The following NRROS variants were observed in gnomAD, a reference collection of about 807,000 sequenced individuals.
NRROS encodes the protein transforming growth factor beta activator LRRC33.
A neutral mutation model predicts 12.0 loss-of-function variants in NRROS; 6 were observed. The observed-to-expected ratio is 0.50, with a 90% CI of 0.27 to 0.98. The LOEUF (loss-of-function observed/expected upper bound fraction) is 0.98, where lower values mean the gene tolerates loss of function less well. Among genes scored for constraint, NRROS ranks in the 50% least tolerant of loss-of-function variants. The pLI is 0.11. For missense variants in NRROS, 857 were observed against 888.2 expected (o/e 0.96, Z 0.45); for synonymous variants, 462 against 410.2 (o/e 1.13, Z -1.53).
chr3:196,650,775 C>A (rs1737409288), intron 1 of NRROS, among the ~76,000 whole-genome samples: 2 of 152,196 alleles, frequency 1.3e-5, no homozygotes, highest in African/African-American at 4.8e-5. Context: ...GCCTAAAAAG[C>A]AACACCACAT....
chr3:196,644,788 A>G (rs1259272860), intron 1 of NRROS, among the ~76,000 whole-genome samples: 96 of 132,490 alleles, frequency 7.2e-4, no homozygotes, highest in African/African-American at 1.5e-3. Flanking sequence ...AAAAAAAAAA[A>G]AAAGAAAGAA....
rs748567110 is a variant in NRROS, at chr3:196,661,040, G to A, written c.1397G>A (p.Ser466Asn). The stretch of plus-strand genomic sequence containing the variant: ...TTCAGGAATATGGCATCTTTAAGGA[G>A]CCTGTCTCTGGAGGGCTGTGGCCTG... Reference protein sequence around the residue: ...VDFRNMASLRSLSLEGCGLGA... With the variant: ...VDFRNMASLRNLSLEGCGLGA... Residue 466 changes from serine (S) to asparagine (N), a missense_variant, in exon 3 of 3, where the codon AGC (serine) becomes AAC (asparagine). Coordinates refer to ENST00000328557, the MANE Select transcript of NRROS (RefSeq NM_198565.3). 5.6e-6 allele frequency: 9 copies of A among 1,614,188 alleles called. No individual in the cohort carries two copies. Among genetic ancestry groups the A allele is most frequent in the Non-Finnish European group, 7.6e-6 (9 of 1,180,032 alleles).
chr3:196,639,730 T>C lies in NRROS; in HGVS notation c.-159T>C, dbSNP rs1737171532. On this transcript the variant is annotated 5_prime_UTR_variant, in exon 1 of 3. Transcript: ENST00000328557. The stretch of plus-strand genomic sequence containing the variant: ...CAGCCCGCTCTCCATGTGACTTCAG[T>C]TTCCGTCCGTTCCTTCCGCTGGTGC... 6.6e-6 allele frequency: 1 copy of C among 152,398 alleles called. No individual in the cohort carries two copies. The highest frequency in any genetic ancestry group is 6.5e-5 in the Admixed American group (1 of 15,290). 9.4% of individuals were successfully genotyped at this position (152,398 alleles called of 1,614,324 possible). A position where few individuals can be genotyped will look rare whatever the true frequency, so the allele number is the denominator to read the frequency against.
intron 1 of NRROS, among the ~76,000 whole-genome samples, chr3:196,652,763 C>T (rs556413776): frequency 3.9e-5 from 6 of 152,234 alleles, no homozygotes; most frequent in Non-Finnish European, 7.4e-5. Context: ...GCACTCTTGC[C>T]CCTTACACGT....
At position 196,658,895 on chromosome 3, in the gene NRROS, A is replaced by G. The variant is rs187480896; in HGVS notation, c.109-857A>G. ...TGAAACAGGAGAATTGCTCGAACCC[A>G]GGAGGCAGAGATTGCAGTGAGCTGA... On this transcript the variant is annotated intron_variant, in intron 2 of 2. Transcript: ENST00000328557. Among the ~76,000 whole-genome samples the G allele has an allele frequency of 4.0e-3, 607 of 152,300 alleles. 3 individuals are homozygous for G. The highest frequency in any genetic ancestry group is 5.3e-3 in the Non-Finnish European group (361 of 68,018).
chr3:196,658,686 C>T (rs1275226326), intron 2 of NRROS, among the ~76,000 whole-genome samples: 2 of 152,190 alleles, frequency 1.3e-5, no homozygotes, highest in African/African-American at 4.8e-5. Context: ...TTCTTTCTGG[C>T]CGGGCACGGT....
At position 196,660,634 on chromosome 3, in the gene NRROS, C is replaced by T. The variant is rs761492409; in HGVS notation, c.991C>T (p.Arg331Cys). 9.3e-6 allele frequency: 15 copies of T among 1,614,098 alleles called. No homozygotes were observed. Among genetic ancestry groups the T allele is most frequent in the African/African-American group, 1.3e-5 (1 of 74,948 alleles). Residue 331 changes from arginine (R) to cysteine (C), a missense_variant, in exon 3 of 3, where the codon CGC (arginine) becomes TGC (cysteine). Physicochemically the swap from Arg to Cys is radical, Grantham distance 180 (BLOSUM62 -3). Transcript: ENST00000328557. This position sits in a 1 kb window ranked among gnomAD's most constrained non-coding sequence, Gnocchi z 7.7. ...EFSSSDLADL[R>C]FLDMSQNQFQ... is the part of the protein sequence containing the mutation. ...CTCCTCCAGCGACCTCGCAGATCTC[C>T]GCTTCCTGGACATGAGCCAGAACCA...
chr3:196,658,398 A>G (rs546514429), intron 2 of NRROS, among the ~76,000 whole-genome samples: 33 of 152,298 alleles, frequency 2.2e-4, no homozygotes, highest in Non-Finnish European at 3.5e-4. Flanking sequence ...TACAGTATCA[A>G]TGTTTAATTA....
chr3:196,646,767 G>A (rs748380444), intron 1 of NRROS, among the ~76,000 whole-genome samples: 5 of 152,136 alleles, frequency 3.3e-5, no homozygotes, highest in Admixed American at 1.3e-4. Context: ...AGAGTCTCTC[G>A]CCACGAGCCC....
rs376944267 is a variant in NRROS, at chr3:196,661,763, A to G, written c.*41A>G. ...AGACTCGAAATTCGGTCCGCACACAACAGGACACTTTCTCTGCCAGCTTTC... is the reference window on the plus strand; with the variant it reads ...AGACTCGAAATTCGGTCCGCACACAGCAGGACACTTTCTCTGCCAGCTTTC... On this transcript the variant is annotated 3_prime_UTR_variant, in exon 3 of 3. Coordinates refer to ENST00000328557, the MANE Select transcript of NRROS (RefSeq NM_198565.3). 3.3e-6 allele frequency: 5 copies of G among 1,501,184 alleles called. No individual in the cohort carries two copies. Among genetic ancestry groups the G allele is most frequent in the South Asian group, 2.5e-5 (2 of 80,762 alleles). The allele number at this position is 1,501,184 out of a possible 1,614,324, so 93.0% of individuals were successfully genotyped here. A position where few individuals can be genotyped will look rare whatever the true frequency, so the allele number is the denominator to read the frequency against.
chr3:196,642,194 C>T (rs182976072), intron 1 of NRROS, among the ~76,000 whole-genome samples: 1 of 150,608 alleles, frequency 6.6e-6, no homozygotes, highest in Admixed American at 6.6e-5. Context: ...ATAAGCCTCA[C>T]GTGCAACAAT....
Position 196,660,615 on chromosome 3 carries a change from C to T in NRROS, c.972C>T (p.Ser324=), listed in dbSNP as rs775410353. Residue 324 remains serine (S), a synonymous_variant, in exon 3 of 3, where the codon TCC becomes TCT. Coordinates refer to ENST00000328557, the MANE Select transcript of NRROS (RefSeq NM_198565.3). The surrounding 1 kb of genome is among the most constrained non-coding windows in gnomAD (Gnocchi z 7.7). ...TCAGCCTCTGGGAAGAATTCTCCTC[C>T]AGCGACCTCGCAGATCTCCGCTTCC... ...TTVSLWEEFS[S]SDLADLRFLD... is the part of the protein sequence containing the mutation. 1 of 1,614,206 alleles carries T rather than the reference C, an allele frequency of 6.2e-7. No individual in the cohort carries two copies. The highest frequency in any genetic ancestry group is 8.5e-7 in the Non-Finnish European group (1 of 1,180,044).
At chr3:196,649,667 T>G (rs1478910908) in intron 1 of NRROS, among the ~76,000 whole-genome samples, 2 of 152,110 alleles carry the variant, frequency 1.3e-5, no homozygotes, top group African/African-American at 4.8e-5. Context: ...GAGACGGGGT[T>G]TCACTGTGTT....
In NRROS at chr3:196,654,327, T is replaced by C. The variant is rs1013853422; in HGVS notation, c.-13-200T>C. Among the ~76,000 whole-genome samples the C allele has an allele frequency of 6.6e-6, 1 of 152,114 alleles. No individual in the cohort carries two copies. Among genetic ancestry groups the C allele is most frequent in the African/African-American group, 2.4e-5 (1 of 41,420 alleles). On this transcript the variant is annotated intron_variant, in intron 1 of 2. Coordinates refer to ENST00000328557, the MANE Select transcript of NRROS (RefSeq NM_198565.3). The surrounding 1 kb of genome is among the most constrained non-coding windows in gnomAD (Gnocchi z 4.4). ...GTGGTAGAGGCAAAATGAAATTGAGTTCTTGTCAACAGTTTCAGTGAAAGG... is the reference window on the plus strand; with the variant it reads ...GTGGTAGAGGCAAAATGAAATTGAGCTCTTGTCAACAGTTTCAGTGAAAGG...
At chr3:196,644,295 A>G (rs1490503676) in intron 1 of NRROS, among the ~76,000 whole-genome samples, 2 of 151,710 alleles carry the variant, frequency 1.3e-5, no homozygotes, top group African/African-American at 4.8e-5. Context: ...GCTACTTGGG[A>G]GGCTGAGGCA....
At chr3:196,648,578 C>T (rs796805875) in intron 1 of NRROS, among the ~76,000 whole-genome samples, 4 of 151,930 alleles carry the variant, frequency 2.6e-5, no homozygotes, top group Non-Finnish European at 5.9e-5. Flanking sequence ...ACCAGCCTGA[C>T]CAAAATGGAA....
In NRROS at chr3:196,643,595, C is replaced by T. The variant is rs370783387; in HGVS notation, c.-14+3720C>T. ...GAGAGCACATAACGCTCCGTCTTTT[C>T]ACCTGTCTGTTCTCAAGCAGGACCT... On this transcript the variant is annotated intron_variant, in intron 1 of 2. Transcript: ENST00000328557. 1.8e-3 allele frequency among the ~76,000 whole-genome samples: 268 copies of T among 152,366 alleles called. 4 individuals carry two copies. In the South Asian group the frequency reaches 0.052, roughly 30 times the overall value.
Position 196,660,894 on chromosome 3 carries a change from C to A in NRROS, c.1251C>A (p.Val417=), listed in dbSNP as rs372771809. 16 of 1,614,026 alleles carry A rather than the reference C, an allele frequency of 9.9e-6. No individual in the cohort carries two copies. The highest frequency in any genetic ancestry group is 1.4e-5 in the Non-Finnish European group (16 of 1,180,026). Residue 417 remains valine (V), a synonymous_variant, in exon 3 of 3, where the codon GTC becomes GTA. Coordinates refer to ENST00000328557, the MANE Select transcript of NRROS (RefSeq NM_198565.3). The surrounding 1 kb of genome is among the most constrained non-coding windows in gnomAD (Gnocchi z 7.7). ...TGAGCTCCAACCAGCTCCTGGGCGT[C>A]CCCCCTGGCCTCTTCGCCAATGCTA... ...FNLSSNQLLG[V]PPGLFANARN... is the part of the protein sequence containing the mutation.
intron 1 of NRROS, among the ~76,000 whole-genome samples, chr3:196,651,044 G>A (rs1295091536): frequency 6.6e-6 from 1 of 152,184 alleles, no homozygotes; most frequent in African/African-American, 2.4e-5. Context: ...CCCTGAGGAT[G>A]TGGGAGGAGA....
Sources: gnomAD v4.1 joint callset for allele counts (sites outside exome capture counted in the v4.1 genomes callset) on GRCh38, gnomAD v4.1.1 for gene constraint, Gnocchi (gnomAD v3.1) non-coding constraint, MANE v1.5 for transcripts, NCBI Gene and HGNC (gene_info 2026-07-23, HGNC 2026-07-21) for gene names.